ZNF98: variants seen among roughly 807,000 people sequenced by gnomAD.
The protein encoded by ZNF98 is zinc finger protein 739.
In ZNF98, 8 loss-of-function variants were observed where a neutral mutation model predicts 12.8. The observed-to-expected ratio is 0.63, with a 90% confidence interval of 0.37 to 1.13. The LOEUF (loss-of-function observed/expected upper bound fraction) is 1.13. ZNF98 is among the 50% of genes most tolerant of loss of function. ZNF98 has a pLI of 0.01. For synonymous variants in ZNF98, 112 were observed against 223.5 expected, an observed-to-expected ratio of 0.50 and a Z score of 4.45; for missense variants, 379 against 666.1, an observed-to-expected ratio of 0.57 and a Z score of 4.74.
At chr19:22,412,983 G>A (rs1217561983) in intron 1 of ZNF98, among the ~76,000 whole-genome samples, 1 of 152,106 alleles carries the variant, frequency 6.6e-6, no homozygotes, top group Non-Finnish European at 1.5e-5. Context: ...AACCCACGAG[G>A]CGGAGCTTGC....
At chr19:22,414,459 C>T (rs1969618154) in intron 1 of ZNF98, among the ~76,000 whole-genome samples, 1 of 152,034 alleles carries the variant, frequency 6.6e-6, no homozygotes, top group Non-Finnish European at 1.5e-5. Flanking sequence ...AAGAACAAAG[C>T]TGAAGTCATT....
In ZNF98 at chr19:22,392,178, C is replaced by A. The variant is rs772187623; in HGVS notation, c.1057G>T (p.Glu353Ter). The stretch of plus-strand genomic sequence containing the variant: ...CGGCTAAAGGCCTTACCACATTCTT[C>A]ACATTTGTAGAATTTCTCTCCAGTA... ...IHTGEKFYKC[E>*]ECGKAFSRLS... The change falls in exon 4 of 4, where the codon GAA (glutamate) becomes TAA (stop). Residue 353 changes from glutamate to a stop codon, truncating the protein, a stop_gained. Transcript: ENST00000357774. LOFTEE classifies it low-confidence loss of function (END_TRUNC). 1 of 1,612,282 alleles carries A rather than the reference C, an allele frequency of 6.2e-7. No homozygotes were observed. The highest frequency in any genetic ancestry group is 1.3e-5 in the African/African-American group (1 of 74,694).
chr19:22,417,307 C>CA (rs762649885), intron 1 of ZNF98, among the ~76,000 whole-genome samples: 141 of 142,706 alleles, frequency 9.9e-4, no homozygotes, highest in Non-Finnish European at 1.8e-3. Context: ...GAGGGAACAA[C>CA]AGACACTGAG....
intron 3 of ZNF98, among the ~76,000 whole-genome samples, chr19:22,399,840 ACAGGAAT>A (rs1969437069): frequency 6.6e-6 from 1 of 152,202 alleles, no homozygotes; most frequent in Non-Finnish European, 1.5e-5. Context: ...TATGAGAGAA[ACAGGAAT>A]CATGACTCAA....
At chr19:22,400,156 T>C (rs1326756692) in intron 3 of ZNF98, among the ~76,000 whole-genome samples, 2 of 151,988 alleles carry the variant, frequency 1.3e-5, no homozygotes, top group Non-Finnish European at 2.9e-5. Flanking sequence ...AGCCACAGTC[T>C]GGGAGAGGTC....
intron 2 of ZNF98, 87 bp downstream of exon 2, chr19:22,403,299 A>G (rs1969481908): frequency 7.4e-6 from 11 of 1,493,592 alleles, no homozygotes; most frequent in African/African-American, 1.4e-5. Flanking sequence ...ATCTGAAAGC[A>G]TAAACTACCA....
intron 1 of ZNF98, among the ~76,000 whole-genome samples, chr19:22,408,695 C>T (rs1969548841): frequency 6.6e-6 from 1 of 151,880 alleles, no homozygotes; most frequent in Admixed American, 6.6e-5. Context: ...ACAATTGCTA[C>T]AAAAAGTAAA....
Position 22,391,725 on chromosome 19 carries a change from G to C in ZNF98, c.1510C>G (p.His504Asp). 6.2e-7 allele frequency: 1 copy of C among 1,613,732 alleles called. No homozygotes were observed. The highest frequency in any genetic ancestry group is 8.5e-7 in the Non-Finnish European group (1 of 1,179,874). ...TGAATCATCTTATGTGTAGTAAGGT[G>C]TGAGGACTGGTTAAAAGCTTTGCCA... ...ECGKAFNQSS[H>D]LTTHKMIHTG... Residue 504 changes from histidine (H) to aspartate (D), a missense_variant, in exon 4 of 4, where the codon CAC becomes GAC. Physicochemically the swap from His to Asp is moderately conservative, Grantham distance 81 (BLOSUM62 -1). This residue lies in a region of ZNF98 where 59 missense variants were observed against 50.3 expected (regional missense o/e 1.17). Coordinates refer to ENST00000357774, the MANE Select transcript of ZNF98 (RefSeq NM_001098626.2).
intron 1 of ZNF98, among the ~76,000 whole-genome samples, chr19:22,414,597 C>T (rs1296792181): frequency 6.6e-6 from 1 of 152,082 alleles, no homozygotes; most frequent in African/African-American, 2.4e-5. Context: ...CACCTACAAC[C>T]ATCTGGTCTT....
At chr19:22,416,110 C>T (rs1318205772) in intron 1 of ZNF98, among the ~76,000 whole-genome samples, 6 of 151,062 alleles carry the variant, frequency 4.0e-5, no homozygotes, top group Admixed American at 4.0e-4. Flanking sequence ...TGTCACTGCA[C>T]TCCAGCCTGG....
intron 1 of ZNF98, among the ~76,000 whole-genome samples, chr19:22,414,232 C>CAAAAAAAAAAAAA (rs57966582): frequency 8.9e-5 from 8 of 89,386 alleles, no homozygotes; most frequent in East Asian, 3.2e-4. Flanking sequence ...GACTCCATCT[C>CAAAAAAAAAAAAA]AAAAAAAAAA....
At chr19:22,410,386 A>G (rs1969567858) in intron 1 of ZNF98, among the ~76,000 whole-genome samples, 2 of 152,216 alleles carry the variant, frequency 1.3e-5, no homozygotes. Context: ...CAAATAAAAT[A>G]TGGTACATAC....
chr19:22,419,860 G>A (rs1969684922), intron 1 of ZNF98, among the ~76,000 whole-genome samples: 1 of 152,050 alleles, frequency 6.6e-6, no homozygotes, highest in Non-Finnish European at 1.5e-5. Flanking sequence ...ATAAAATGAA[G>A]TGATATTAGA....
At chr19:22,421,476 A>G (rs1213871735) in intron 1 of ZNF98, among the ~76,000 whole-genome samples, 1 of 152,196 alleles carries the variant, frequency 6.6e-6, no homozygotes, top group Non-Finnish European at 1.5e-5. Context: ...TAATTTTAAA[A>G]AATCTAACTC....
At chr19:22,402,285 A>T (rs10407485) in intron 3 of ZNF98, 127,674 of 312,954 alleles carry the variant, frequency 0.41, 28,197 homozygotes, top group Non-Finnish European at 0.44. Context: ...GACAAAGCAG[A>T]AGAACATCAT....
chr19:22,398,455 T>G (rs1969421276), intron 3 of ZNF98, among the ~76,000 whole-genome samples: 2 of 151,522 alleles, frequency 1.3e-5, no homozygotes, highest in Admixed American at 6.6e-5. Context: ...AGCCTCAAAC[T>G]TCCAGGTTCA....
rs372962704 is a variant in ZNF98, at chr19:22,391,448, G to A, written c.*68C>T. ...TTCACACTTGTAGAAGTTTTCTCCA[G>A]AATGAATTACCTTACCTACAATCCA... On this transcript the variant is annotated 3_prime_UTR_variant, in exon 4 of 4. Coordinates refer to ENST00000357774, the MANE Select transcript of ZNF98 (RefSeq NM_001098626.2). 6.7e-6 allele frequency: 10 copies of A among 1,499,976 alleles called. No individual in the cohort carries two copies. Among genetic ancestry groups the A allele is most frequent in the African/African-American group, 1.4e-5 (1 of 71,360 alleles). The allele number at this position is 1,499,976 out of a possible 1,614,324, so 92.9% of individuals were successfully genotyped here.
At position 22,391,563 on chromosome 19, in the gene ZNF98, T is replaced by A; in HGVS notation, c.1672A>T (p.Ile558Phe). Residue 558 changes from isoleucine (I) to phenylalanine (F), a missense_variant, in exon 4 of 4, where the codon ATT becomes TTT. Coordinates refer to ENST00000357774, the MANE Select transcript of ZNF98 (RefSeq NM_001098626.2). ...CTTTTATATTTGGAAATCTTTGCAA[T>A]GTTGTCACAAGCATTGTTACAACTT... ...PESCNNACDN[I>F]AKISKYKRNC... The A allele has an allele frequency of 6.3e-7, 1 of 1,598,772 alleles. No homozygotes were observed. Among genetic ancestry groups the A allele is most frequent in the Non-Finnish European group, 8.5e-7 (1 of 1,171,932 alleles).
At chr19:22,396,660 C>T (rs1969397571) in intron 3 of ZNF98, among the ~76,000 whole-genome samples, 1 of 151,678 alleles carries the variant, frequency 6.6e-6, no homozygotes, top group South Asian at 2.1e-4. Context: ...ATAAAAAACA[C>T]TAAAAGGGGC....
Sources: allele counts gnomAD v4.1 joint callset (sites outside exome capture counted in the v4.1 genomes callset), GRCh38; gene constraint gnomAD v4.1.1; regional missense constraint gnomAD v4.1.1; transcripts MANE v1.5; gene names NCBI Gene and HGNC (gene_info 2026-07-23, HGNC 2026-07-21).